The following SLC14A2 variants were observed in gnomAD, a reference collection of about 807,000 sequenced individuals.
SLC14A2 encodes solute carrier family 14 member 2.
A neutral mutation model predicts 104.6 loss-of-function variants in SLC14A2; 91 were observed. The ratio of observed to expected loss-of-function variants is 0.87; its 90% CI spans 0.73 to 1.04. The LOEUF is 1.04. Among genes scored for constraint, SLC14A2 ranks in the 50% least tolerant of loss-of-function variants. The pLI, the probability that SLC14A2 is intolerant of heterozygous loss-of-function variation, is 0.00. For synonymous variants in SLC14A2, 476 were observed against 466.4 expected, an observed-to-expected ratio of 1.02 and a Z score of -0.27; for missense variants, 1,189 against 1,156.0, an observed-to-expected ratio of 1.03 and a Z score of -0.41.
At chr18:45,189,009 C>T in the SLC14A2 span, among the ~76,000 whole-genome samples, 1 of 152,158 alleles carries the variant, frequency 6.6e-6, no homozygotes, top group South Asian at 2.1e-4. Context: ...ACATGCAATG[C>T]AGTGTGCTAG....
chr18:45,412,274 T>G (rs1386887013), intron 1 of SLC14A2, among the ~76,000 whole-genome samples: 1 of 152,208 alleles, frequency 6.6e-6, no homozygotes, highest in African/African-American at 2.4e-5. Context: ...AACAATGTTT[T>G]ATCCTGGGAA....
chr18:45,290,839 C>T (rs1353597849), intron 1 of SLC14A2, among the ~76,000 whole-genome samples: 1 of 152,062 alleles, frequency 6.6e-6, no homozygotes, highest in African/African-American at 2.4e-5. Flanking sequence ...CATTATATTT[C>T]TATGGAAAAT....
chr18:45,514,361 C>T (rs942291352), intron 2 of SLC14A2, among the ~76,000 whole-genome samples: 1 of 152,004 alleles, frequency 6.6e-6, no homozygotes, highest in African/African-American at 2.4e-5. Flanking sequence ...TGTGAAAACT[C>T]CACCATGAGA....
At chr18:45,365,090 C>T (rs2085653561) in intron 1 of SLC14A2, among the ~76,000 whole-genome samples, 1 of 152,108 alleles carries the variant, frequency 6.6e-6, no homozygotes. Flanking sequence ...TCCCTTCTTC[C>T]CACCTCCATC....
chr18:45,651,404 G>C (rs961072762), intron 10 of SLC14A2, among the ~76,000 whole-genome samples: 1 of 152,158 alleles, frequency 6.6e-6, no homozygotes, highest in African/African-American at 2.4e-5. Flanking sequence ...CTGCAGCCGT[G>C]TGTGTCTGCA....
chr18:45,308,678 C>T (rs1174163222), intron 1 of SLC14A2, among the ~76,000 whole-genome samples: 1 of 152,186 alleles, frequency 6.6e-6, no homozygotes, highest in Non-Finnish European at 1.5e-5. Flanking sequence ...TCTCAGGTTG[C>T]CTTGCCATCC....
chr18:45,547,819 T>A (rs2043995229), intron 2 of SLC14A2, among the ~76,000 whole-genome samples: 1 of 152,170 alleles, frequency 6.6e-6, no homozygotes, highest in South Asian at 2.1e-4. Flanking sequence ...GAAGACGTTT[T>A]TATAGAAAGA....
chr18:45,408,244 C>G (rs1426788535), intron 1 of SLC14A2, among the ~76,000 whole-genome samples: 1 of 152,136 alleles, frequency 6.6e-6, no homozygotes, highest in Non-Finnish European at 1.5e-5. Context: ...CCACTGAGAT[C>G]ATTTTTCTCT....
chr18:45,489,033 C>G (rs10502865), intron 2 of SLC14A2, among the ~76,000 whole-genome samples: 22,278 of 152,216 alleles, frequency 0.15, 1,749 homozygotes, highest in Middle Eastern at 0.24. Context: ...ACTGTGAAGA[C>G]ATTGCACTGG....
intron 2 of SLC14A2, among the ~76,000 whole-genome samples, chr18:45,483,962 G>A (rs2087546710): frequency 6.6e-6 from 1 of 152,154 alleles, no homozygotes; most frequent in African/African-American, 2.4e-5. Flanking sequence ...CAGAGGATTA[G>A]GATTAGGTCT....
intron 1 of SLC14A2, among the ~76,000 whole-genome samples, chr18:45,450,758 T>A (rs1489049711): frequency 6.6e-6 from 1 of 152,224 alleles, no homozygotes; most frequent in Non-Finnish European, 1.5e-5. Context: ...TGTCTTAGTT[T>A]GAGTTACCCC....
In SLC14A2 at chr18:45,683,017, C is replaced by A. The variant is rs188734936; in HGVS notation, c.*498C>A. The A allele has an allele frequency of 6.9e-3, 1,137 of 164,266 alleles. 17 individuals are homozygous for A. Among genetic ancestry groups the A allele is most frequent in the African/African-American group, 0.026 (1,075 of 41,650 alleles). 10.2% of individuals were successfully genotyped at this position (164,266 alleles called of 1,614,324 possible). ...GCTGAGGCAGGAGAATGGCGTGAACCCGGGAGGTGGAGCTTGCAGTGAGCC... is the reference window on the plus strand; with the variant it reads ...GCTGAGGCAGGAGAATGGCGTGAACACGGGAGGTGGAGCTTGCAGTGAGCC... On this transcript the variant is annotated 3_prime_UTR_variant, in exon 20 of 20. Coordinates refer to ENST00000255226, the MANE Select transcript of SLC14A2 (RefSeq NM_007163.4).
At chr18:45,252,083 T>G (rs2084429468) in intron 1 of SLC14A2, among the ~76,000 whole-genome samples, 1 of 152,232 alleles carries the variant, frequency 6.6e-6, no homozygotes, top group Non-Finnish European at 1.5e-5. Flanking sequence ...TAGAAAGCCC[T>G]TGGTCTTCAT....
intron 1 of SLC14A2, among the ~76,000 whole-genome samples, chr18:45,347,747 T>C (rs186710910): frequency 1.2e-4 from 19 of 152,208 alleles, no homozygotes; most frequent in African/African-American, 4.6e-4. Context: ...TAGTCCCCAC[T>C]CACCAACTAC....
In SLC14A2 at chr18:45,264,215, T is replaced by C. The variant is rs543041206; in HGVS notation, c.-125+51024T>C. ...ACCACAGAGTTCATTTGAGCCTTCC[T>C]ATTTTCCTTTTTTGTTTTTATTGCT... On this transcript the variant is annotated intron_variant, in intron 1 of 20. Transcript: ENST00000586448. Among the ~76,000 whole-genome samples, 6 of 152,336 alleles carry C rather than the reference T, an allele frequency of 3.9e-5. No homozygotes were observed. In the South Asian group the frequency reaches 1.2e-3, roughly 32 times the overall value.
At chr18:45,256,549 A>G (rs1413791073) in intron 1 of SLC14A2, among the ~76,000 whole-genome samples, 2 of 152,226 alleles carry the variant, frequency 1.3e-5, no homozygotes, top group Non-Finnish European at 2.9e-5. Flanking sequence ...TCCTGTGCTA[A>G]GGAACAGTTA....
intron 1 of SLC14A2, among the ~76,000 whole-genome samples, chr18:45,244,994 C>G (rs1250291153): frequency 6.6e-6 from 1 of 152,174 alleles, no homozygotes; most frequent in Non-Finnish European, 1.5e-5. Context: ...ATTCTGTCGG[C>G]AGGGCAATCC....
At chr18:45,458,788 C>G (rs968990384) in intron 1 of SLC14A2, among the ~76,000 whole-genome samples, 5 of 152,170 alleles carry the variant, frequency 3.3e-5, no homozygotes, top group Non-Finnish European at 7.3e-5. Flanking sequence ...ATTTGTGGAT[C>G]TGTGACAGAG....
chr18:45,444,540 A>G (rs1338126692), intron 1 of SLC14A2, among the ~76,000 whole-genome samples: 6 of 152,240 alleles, frequency 3.9e-5, no homozygotes, highest in Non-Finnish European at 8.8e-5. Flanking sequence ...GTCCATATTT[A>G]AAAAGGAGTG....
Sources: allele counts gnomAD v4.1 joint callset (sites outside exome capture counted in the v4.1 genomes callset), GRCh38; gene constraint gnomAD v4.1.1; transcripts MANE v1.5; gene names NCBI Gene and HGNC (gene_info 2026-07-23, HGNC 2026-07-21).